The following PCID2 variants were observed in gnomAD, a reference collection of about 807,000 sequenced individuals.
PCID2 encodes PCI domain-containing protein 2.
In PCID2, 41 loss-of-function variants were observed where a neutral mutation model predicts 61.3. That is an observed-to-expected ratio of 0.67 (90% CI 0.52 to 0.87). The LOEUF is 0.87. PCID2 is among the 40% of genes least tolerant of loss of function. PCID2 has a pLI of 0.00. For synonymous variants in PCID2, 187 were observed against 177.8 expected (o/e 1.05, Z -0.41); for missense variants, 392 against 493.4 (o/e 0.79, Z 1.95).
intron 10 of PCID2, among the ~76,000 whole-genome samples, chr13:113,180,880 CTT>C (rs971282833): frequency 6.6e-6 from 1 of 152,160 alleles, no homozygotes; most frequent in African/African-American, 2.4e-5. Context: ...ACGTTAAACT[CTT>C]GAGTTAAATA....
At chr13:113,180,368 A>G in intron 10 of PCID2, 137 bp from the exon 11 acceptor site, 1 of 665,356 alleles carries the variant, frequency 1.5e-6, no homozygotes. Context: ...TAAACACATC[A>G]TAGTACACTA....
the PCID2 span, chr13:113,172,505 G>A: frequency 6.5e-6 from 2 of 306,834 alleles, no homozygotes; most frequent in South Asian, 3.0e-5. Context: ...AACAATCTCC[G>A]GTTACAGCAG....
Position 113,200,518 on chromosome 13 carries a change from T to C in PCID2, c.37-2A>G, listed in dbSNP as rs200619472. The C allele has an allele frequency of 2.5e-6, 4 of 1,593,072 alleles. No homozygotes were observed. The highest frequency in any genetic ancestry group is 3.4e-6 in the Non-Finnish European group (4 of 1,161,022). ...TCTGCTGTCGATGGCTTCGTACACC[T>C]GAAACATTTGAAAGGGAAACCTAAG... On this transcript the variant is annotated splice_acceptor_variant, in intron 1 of 13. Transcript: ENST00000337344. LOFTEE classifies it high-confidence loss of function.
chr13:113,200,512 T>C lies in PCID2; in HGVS notation c.41A>G (p.Tyr14Cys). 1 of 1,606,830 alleles carries C rather than the reference T, an allele frequency of 6.2e-7. No individual in the cohort carries two copies. The highest frequency in any genetic ancestry group is 8.5e-7 in the Non-Finnish European group (1 of 1,173,362). Residue 14 changes from tyrosine (Y) to cysteine (C), a missense_variant, in exon 2 of 14, where the codon TAC becomes TGC. Around this residue, in one of 3 missense-constraint regions of PCID2, gnomAD observed 155 missense variants for 164.9 expected, o/e 0.94. Coordinates refer to ENST00000337344, the MANE Select transcript of PCID2 (RefSeq NM_001127202.4). ...ITINQYLQQV[Y>C]EAIDSRDGAS... ...TCCATCTCTGCTGTCGATGGCTTCG[T>C]ACACCTGAAACATTTGAAAGGGAAA...
At position 113,180,000 on chromosome 13, in the gene PCID2, G is replaced by A. The variant is rs754698656; in HGVS notation, c.903C>T (p.His301=). 1.9e-6 allele frequency: 3 copies of A among 1,614,118 alleles called. No homozygotes were observed. The highest frequency in any genetic ancestry group is 1.7e-5 in the Admixed American group (1 of 60,022). The change falls in exon 12 of 14, where the codon CAC becomes CAT. Residue 301 remains histidine (H), a synonymous_variant. Transcript: ENST00000337344. This position sits in a 1 kb window ranked among gnomAD's most constrained non-coding sequence, Gnocchi z 4.3. ...LLLLHEALAK[H]EAFFIRCGIF... ...TTCCGCAGCGAATGAAGAAGGCCTC[G>A]TGCTTCGCCAGCGCCTCGTGCAGCA...
At chr13:113,207,404 A>T (rs902837503) in intron 1 of PCID2, among the ~76,000 whole-genome samples, 1 of 152,362 alleles carries the variant, frequency 6.6e-6, no homozygotes, top group Admixed American at 6.5e-5. Context: ...TTGGTTCTTA[A>T]ATGCCTATAT....
chr13:113,165,331 C>T, the PCID2 span: 1 of 643,844 alleles, frequency 1.6e-6, no homozygotes, highest in South Asian at 1.7e-5. Context: ...ATTTACAGCC[C>T]CCAAGACCTT....
chr13:113,173,255 A>C (rs1379363807), downstream of PCID2, among the ~76,000 whole-genome samples: 3 of 152,276 alleles, frequency 2.0e-5, no homozygotes, highest in East Asian at 5.8e-4. Context: ...TGAAGGCTGC[A>C]GCTGCAATGC....
At position 113,185,533 on chromosome 13, in the gene PCID2, C is replaced by T; in HGVS notation, c.495G>A (p.Lys165=). ...GGTTCACCAGAAACAGCATGCCCCA[C>T]TTCTTAGAGTCCTCTATACCAGCAC... The part of the protein sequence containing the change: ...DTRAGIEDSK[K]WGMLFLVNQL... The change falls in exon 8 of 14, where the codon AAG becomes AAA. Residue 165 remains lysine (K), a synonymous_variant. Coordinates refer to ENST00000337344, the MANE Select transcript of PCID2 (RefSeq NM_001127202.4). 6.2e-7 allele frequency: 1 copy of T among 1,612,656 alleles called. No homozygotes were observed. The highest frequency in any genetic ancestry group is 8.5e-7 in the Non-Finnish European group (1 of 1,178,676).
chr13:113,201,044 C>G (rs748803406), intron 1 of PCID2, among the ~76,000 whole-genome samples: 126 of 152,288 alleles, frequency 8.3e-4, no homozygotes, highest in Non-Finnish European at 1.4e-3. Context: ...CTCAATCACA[C>G]TAATATATGT....
downstream of PCID2, among the ~76,000 whole-genome samples, chr13:113,175,097 G>A (rs542583990): frequency 5.3e-5 from 8 of 152,228 alleles, no homozygotes; most frequent in African/African-American, 1.9e-4. Flanking sequence ...TTCCCCTTCC[G>A]CCATGATTGT....
chr13:113,196,947 C>G lies in PCID2; in HGVS notation c.266+231G>C, dbSNP rs1595237775. ...ATTCTTCTTCTCAGCAGAGTAAGAT[C>G]CTTCTTCCTAACCAGTGTTCTTCCT... On this transcript the variant is annotated intron_variant, in intron 4 of 13. Coordinates refer to ENST00000337344, the MANE Select transcript of PCID2 (RefSeq NM_001127202.4). 41 of 1,094,352 alleles carry G rather than the reference C, an allele frequency of 3.7e-5. No individual in the cohort carries two copies. The East Asian group carries it at 9.6e-4, about 26-fold the overall frequency. 67.8% of individuals were successfully genotyped at this position (1,094,352 alleles called of 1,614,324 possible). A position where few individuals can be genotyped will look rare whatever the true frequency, so the allele number is the denominator to read the frequency against.
chr13:113,190,515 G>A (rs1014751515), intron 7 of PCID2, among the ~76,000 whole-genome samples: 1 of 152,028 alleles, frequency 6.6e-6, no homozygotes, highest in Non-Finnish European at 1.5e-5. Context: ...AAAAAATAAC[G>A]AGAGTTTCAG....
chr13:113,181,084 T>A (rs1456561254), intron 10 of PCID2, 46 bp downstream of exon 10: 1 of 1,294,968 alleles, frequency 7.7e-7, no homozygotes, highest in Non-Finnish European at 1.1e-6. Context: ...GCTGTCAACT[T>A]TGTGAAAGCA....
chr13:113,184,488 C>G lies in PCID2; in HGVS notation c.544-1G>C, dbSNP rs1420642765. 1 of 1,553,252 alleles carries G rather than the reference C, an allele frequency of 6.4e-7. No individual in the cohort carries two copies. Among genetic ancestry groups the G allele is most frequent in the Non-Finnish European group, 8.9e-7 (1 of 1,125,830 alleles). Reference sequence around the variant, plus strand: ...GTTTACATAAATGGAGTTTGTTGATCTATAATGAATAACAATCCATTTAAA... The same window carrying G: ...GTTTACATAAATGGAGTTTGTTGATGTATAATGAATAACAATCCATTTAAA... On this transcript the variant is annotated splice_acceptor_variant, in intron 8 of 13. Coordinates refer to ENST00000337344, the MANE Select transcript of PCID2 (RefSeq NM_001127202.4). LOFTEE classifies it high-confidence loss of function.
intron 9 of PCID2, among the ~76,000 whole-genome samples, chr13:113,182,674 G>GT (rs2037750867): frequency 6.6e-6 from 1 of 151,992 alleles, no homozygotes; most frequent in South Asian, 2.1e-4. Flanking sequence ...CTAATTTTTT[G>GT]TATTTTTAGT....
downstream of PCID2, among the ~76,000 whole-genome samples, chr13:113,175,304 C>T (rs9577475): frequency 0.016 from 2,397 of 152,260 alleles, 166 homozygotes; most frequent in East Asian, 0.21. Context: ...CATCCAATTA[C>T]CTTAAAGTAT....
intron 6 of PCID2, among the ~76,000 whole-genome samples, chr13:113,193,299 G>C (rs917943675): frequency 1.3e-5 from 2 of 151,902 alleles, no homozygotes; most frequent in Admixed American, 6.6e-5. Context: ...ACTGCCTCTT[G>C]GAGTTTTCCT....
At chr13:113,191,989 G>A (rs546634904) in intron 6 of PCID2, among the ~76,000 whole-genome samples, 12 of 152,204 alleles carry the variant, frequency 7.9e-5, no homozygotes, top group Non-Finnish European at 1.6e-4. Flanking sequence ...AAGCACAGTG[G>A]TTCACACCTG....
Sources: gnomAD v4.1 joint callset for allele counts (sites outside exome capture counted in the v4.1 genomes callset) on GRCh38, gnomAD v4.1.1 for gene constraint, gnomAD v4.1.1 regional missense constraint, Gnocchi (gnomAD v3.1) non-coding constraint, MANE v1.5 for transcripts, NCBI Gene and HGNC (gene_info 2026-07-23, HGNC 2026-07-21) for gene names.